ERLEC1: variants seen among roughly 807,000 people sequenced by gnomAD.
ERLEC1 encodes endoplasmic reticulum lectin 1.
In ERLEC1, 47 loss-of-function variants were observed where a neutral mutation model predicts 68.0. The observed-to-expected ratio is 0.69, with a 90% CI of 0.55 to 0.88. ERLEC1 has a LOEUF of 0.88. ERLEC1 is among the 40% of genes least tolerant of loss of function. The pLI is 0.00. For synonymous variants in ERLEC1, 225 were observed against 203.2 expected (o/e 1.11, Z -0.91); for missense variants, 567 against 583.8 (o/e 0.97, Z 0.30).
At position 53,813,047 on chromosome 2, in the gene ERLEC1, T is replaced by G. The variant is rs367935171; in HGVS notation, c.1200T>G (p.Leu400=). The G allele has an allele frequency of 3.1e-6, 5 of 1,612,596 alleles. No individual in the cohort carries two copies. The African/African-American group carries it at 5.3e-5, about 17-fold the overall frequency. ...AGAATACTGCTAGAGCTTATCATCTTCAAGACGATGGTACCCAGACAGTCA... is the reference window on the plus strand; with the variant it reads ...AGAATACTGCTAGAGCTTATCATCTGCAAGACGATGGTACCCAGACAGTCA... ...AKKNTARAYH[L]QDDGTQTVRM... is the part of the protein sequence containing the mutation. Residue 400 remains leucine, a synonymous_variant, in exon 11 of 14, where the codon CTT becomes CTG. Transcript: ENST00000185150.
intron 8 of ERLEC1, among the ~76,000 whole-genome samples, chr2:53,803,488 G>A (rs868683722): frequency 6.6e-5 from 10 of 152,038 alleles, no homozygotes; most frequent in African/African-American, 2.2e-4. Context: ...TTTAGTCTGG[G>A]CATGGTGGCT....
At chr2:53,804,727 C>G (rs886716314) in intron 8 of ERLEC1, among the ~76,000 whole-genome samples, 3 of 152,136 alleles carry the variant, frequency 2.0e-5, no homozygotes, top group African/African-American at 7.2e-5. Flanking sequence ...CCCTGTTGTT[C>G]TATCAAGTAG....
At chr2:53,787,650 CAGAAG>C in intron 1 of ERLEC1, 1 of 356,548 alleles carries the variant, frequency 2.8e-6, no homozygotes, top group Non-Finnish European at 5.0e-6. Flanking sequence ...TCCCACCCTG[CAGAAG>C]CAGCTTTCGT....
At chr2:53,794,914 A>C (rs1417560169) in intron 2 of ERLEC1, among the ~76,000 whole-genome samples, 8 of 152,118 alleles carry the variant, frequency 5.3e-5, no homozygotes, top group African/African-American at 1.9e-4. Flanking sequence ...CGGCCTCCCA[A>C]AGTGCTGGGA....
At position 53,799,220 on chromosome 2, in the gene ERLEC1, A is replaced by T. The variant is rs1025805307; in HGVS notation, c.525+139A>T. 5.9e-6 allele frequency: 4 copies of T among 683,160 alleles called. No homozygotes were observed. In the African/African-American group the frequency reaches 7.2e-5, roughly 12 times the overall value. The allele number at this position is 683,160 out of a possible 1,614,324, so 42.3% of individuals were successfully genotyped here. ...ATACCTTGAAGGACTGGGTCAAAGA[A>T]TCTTTGCAGTATATTCCTTTTTTCC... On this transcript the variant is annotated intron_variant, in intron 6 of 13. Coordinates refer to ENST00000185150, the MANE Select transcript of ERLEC1 (RefSeq NM_015701.5).
chr2:53,797,727 T>C lies in ERLEC1; in HGVS notation c.427-5T>C, dbSNP rs1675790712. On this transcript the variant is annotated splice_polypyrimidine_tract_variant and splice_region_variant and intron_variant, in intron 4 of 13. Coordinates refer to ENST00000185150, the MANE Select transcript of ERLEC1 (RefSeq NM_015701.5). Reference sequence around the variant, plus strand: ...AGTATATTTTTATTTTACTTTTCAATGTAGAAAATAAATATTCACGAGTAC... The same window carrying C: ...AGTATATTTTTATTTTACTTTTCAACGTAGAAAATAAATATTCACGAGTAC... The C allele has an allele frequency of 4.4e-6, 7 of 1,607,770 alleles. No homozygotes were observed. Among genetic ancestry groups the C allele is most frequent in the Non-Finnish European group, 5.1e-6 (6 of 1,175,992 alleles).
chr2:53,795,130 C>A (rs1453224345), intron 2 of ERLEC1, among the ~76,000 whole-genome samples: 1 of 152,094 alleles, frequency 6.6e-6, no homozygotes, highest in Non-Finnish European at 1.5e-5. Context: ...TAGCCCATGC[C>A]CTTTTCTTCC....
chr2:53,797,644 AAT>A, intron 4 of ERLEC1, 52 bp downstream of exon 4: 1 of 1,570,098 alleles, frequency 6.4e-7, no homozygotes, highest in Non-Finnish European at 8.7e-7. Flanking sequence ...TGAGAACTTT[AAT>A]AATGAGATTG....
Position 53,808,368 on chromosome 2 carries a change from C to T in ERLEC1, c.949C>T (p.Pro317Ser), listed in dbSNP as rs199616024. The T allele has an allele frequency of 6.2e-6, 10 of 1,614,160 alleles. No individual in the cohort carries two copies. The highest frequency in any genetic ancestry group is 1.7e-5 in the Admixed American group (1 of 60,026). ...IHKSIAIGSQ[P>S]VLTVGTTHIS... ...CAAGTCGATTGCTATTGGCTCTCAG[C>T]CAGTGCTCACTGTTGGGACAACCCA... The change falls in exon 9 of 14, where the codon CCA becomes TCA. Residue 317 changes from proline (P) to serine (S), a missense_variant. Transcript: ENST00000185150.
chr2:53,806,872 A>G (rs1183476382), intron 8 of ERLEC1, among the ~76,000 whole-genome samples: 2 of 152,180 alleles, frequency 1.3e-5, no homozygotes, highest in African/African-American at 4.8e-5. Flanking sequence ...TTGCCAGTCA[A>G]TACCCATTTA....
At chr2:53,791,203 TA>T (rs1216106815) in intron 1 of ERLEC1, among the ~76,000 whole-genome samples, 8 of 152,254 alleles carry the variant, frequency 5.3e-5, no homozygotes. Context: ...AGATATTTTT[TA>T]AGTTCCTTAA....
chr2:53,807,467 G>A (rs778100673), intron 8 of ERLEC1, among the ~76,000 whole-genome samples: 1 of 151,808 alleles, frequency 6.6e-6, no homozygotes, highest in African/African-American at 2.4e-5. Flanking sequence ...GTGTAGTGGC[G>A]TGATCTCAGC....
chr2:53,791,839 A>C (rs781408206), intron 1 of ERLEC1, among the ~76,000 whole-genome samples: 2 of 151,044 alleles, frequency 1.3e-5, no homozygotes, highest in Non-Finnish European at 2.9e-5. Context: ...ATTCTTTATC[A>C]TAAGTTTAGC....
Position 53,809,225 on chromosome 2 carries a change from G to A in ERLEC1, c.1053G>A (p.Trp351Ter). 6.3e-7 allele frequency: 1 copy of A among 1,581,676 alleles called. No homozygotes were observed. The highest frequency in any genetic ancestry group is 8.5e-7 in the Non-Finnish European group (1 of 1,170,950). ...GSYCFRGGVGWWKYEFCYGKH... is the reference protein window; with the variant it reads ...GSYCFRGGVG ...TTCTTTTTTTTTAGGGTGTCGGTTG[G>A]TGGAAATATGAATTCTGCTATGGCA... The change falls in exon 10 of 14, where the codon TGG becomes TGA. Residue 351 changes from tryptophan (W) to a stop codon, truncating the protein, a stop_gained. Transcript: ENST00000185150. LOFTEE classifies it high-confidence loss of function.
chr2:53,794,653 T>TTTTA (rs1675589897), intron 2 of ERLEC1, among the ~76,000 whole-genome samples: 3 of 152,160 alleles, frequency 2.0e-5, no homozygotes, highest in Admixed American at 2.0e-4. Flanking sequence ...TTTTTTTTTA[T>TTTTA]TTTATTTATT....
intron 5 of ERLEC1, 33 bp downstream of exon 5, chr2:53,797,828 C>T: frequency 1.3e-6 from 2 of 1,555,448 alleles, no homozygotes; most frequent in South Asian, 1.1e-5. Context: ...GACAGTAATG[C>T]TGGAATTTGG....
chr2:53,808,283 G>A lies in ERLEC1; in HGVS notation c.880-16G>A, dbSNP rs1676405122. On this transcript the variant is annotated splice_polypyrimidine_tract_variant and intron_variant, in intron 8 of 13. Transcript: ENST00000185150. ...GTTTGGCATGGAAACCCTTAAACGT[G>A]TGTGTTTAATTTTAGGAAGATTTGC... The A allele has an allele frequency of 1.2e-6, 2 of 1,610,448 alleles. No individual in the cohort carries two copies. Among genetic ancestry groups the A allele is most frequent in the Middle Eastern group, 1.7e-4 (1 of 6,048 alleles).
Position 53,787,132 on chromosome 2 carries a change from C to CAA in ERLEC1, c.-79_-78insAA. 8.1e-7 allele frequency: 1 copy of CAA among 1,236,414 alleles called. No homozygotes were observed. 76.6% of individuals were successfully genotyped at this position (1,236,414 alleles called of 1,614,324 possible). A position where few individuals can be genotyped will look rare whatever the true frequency, so the allele number is the denominator to read the frequency against. On this transcript the variant is annotated 5_prime_UTR_variant, in exon 1 of 14. Transcript: ENST00000185150. ...GCGCTTTATAGTCCCGCCGCCTCCT[C>CAA]CTCCACCTCCTCCTCCTCCTCCTCT...
intron 8 of ERLEC1, 129 bp from the exon 9 acceptor site, chr2:53,808,169 GT>G (rs1322409692): frequency 1.1e-6 from 1 of 898,358 alleles, no homozygotes; most frequent in African/African-American, 1.7e-5. Flanking sequence ...TTATCTTAAA[GT>G]GTATTAAAAG....
Sources: allele counts gnomAD v4.1 joint callset (sites outside exome capture counted in the v4.1 genomes callset), GRCh38; gene constraint gnomAD v4.1.1; transcripts MANE v1.5; gene names NCBI Gene and HGNC (gene_info 2026-07-23, HGNC 2026-07-21).